Variants in GPATCH8 observed in about 807,000 individuals in gnomAD.
GPATCH8 encodes the protein G-patch domain containing 8, also known as G patch domain-containing protein 8.
GPATCH8 carries 18 observed loss-of-function variants against 118.3 expected under a neutral mutation model. That is an observed-to-expected ratio of 0.15 (90% confidence interval 0.11 to 0.23). The LOEUF (loss-of-function observed/expected upper bound fraction) is 0.23, where lower values mean the gene tolerates loss of function less well. Ranked by LOEUF, GPATCH8 falls within the 10% of genes least tolerant of loss-of-function variation. The pLI, the probability that GPATCH8 is intolerant of heterozygous loss-of-function variation, is 1.00. For synonymous variants in GPATCH8, 659 were observed against 684.7 expected, an observed-to-expected ratio of 0.96 and a Z score of 0.59; for missense variants, 1,631 against 1,873.8, an observed-to-expected ratio of 0.87 and a Z score of 2.39.
chr17:44,401,380 C>T lies in GPATCH8; in HGVS notation c.697G>A (p.Asp233Asn). 6.2e-7 allele frequency: 1 copy of T among 1,612,996 alleles called. No homozygotes were observed. The highest frequency in any genetic ancestry group is 8.5e-7 in the Non-Finnish European group (1 of 1,179,126). Residue 233 changes from aspartate to asparagine, a missense_variant, in exon 8 of 8, where the codon GAT (aspartate) becomes AAT (asparagine). Transcript: ENST00000591680. ...VDEEGGEDDK[D>N]ESATNSGTGA... ...GTGCCACTATTTGTAGCTGATTCAT[C>T]TTTATCATCTTCTCCACCTTCTTCA...
intron 1 of GPATCH8, among the ~76,000 whole-genome samples, chr17:44,499,477 T>A (rs76391835): frequency 0.011 from 1,599 of 152,046 alleles, 18 homozygotes; most frequent in African/African-American, 0.035. Flanking sequence ...CTCAAAAAAA[T>A]AAATAAATAA....
In GPATCH8 at chr17:44,398,256, G is replaced by A. The variant is rs1019626240; in HGVS notation, c.3821C>T (p.Pro1274Leu). 1.4e-5 allele frequency: 22 copies of A among 1,613,138 alleles called. No individual in the cohort carries two copies. The highest frequency in any genetic ancestry group is 1.8e-5 in the Non-Finnish European group (21 of 1,179,484). The change falls in exon 8 of 8, where the codon CCA becomes CTA. Residue 1274 changes from proline to leucine, a missense_variant. Physicochemically the swap from Pro to Leu is moderately conservative, Grantham distance 98 (BLOSUM62 -3). Coordinates refer to ENST00000591680, the MANE Select transcript of GPATCH8 (RefSeq NM_001002909.4). ...ATAACTGGGGAAATGCTCAAGGTCT[G>A]GTGCTATAGGCAGCAAGCTGGACTC... ...PVESSLLPIA[P>L]DLEHFPSYAP...
At chr17:44,441,710 C>T (rs568012009) in intron 3 of GPATCH8, among the ~76,000 whole-genome samples, 3 of 141,818 alleles carry the variant, frequency 2.1e-5, no homozygotes, top group Admixed American at 7.1e-5. Context: ...GGCAACACAA[C>T]GACACTCCTT....
chr17:44,499,394 C>T (rs1233958175), intron 1 of GPATCH8, among the ~76,000 whole-genome samples: 3 of 152,118 alleles, frequency 2.0e-5, no homozygotes, highest in African/African-American at 4.8e-5. Flanking sequence ...CACTTGAACC[C>T]GGGAGGCGGA....
At chr17:44,432,478 G>A (rs546826373) in intron 5 of GPATCH8, among the ~76,000 whole-genome samples, 1 of 152,264 alleles carries the variant, frequency 6.6e-6, no homozygotes, top group Admixed American at 6.5e-5. Context: ...GGATTAATTG[G>A]CAGCTCTGAG....
intron 1 of GPATCH8, among the ~76,000 whole-genome samples, chr17:44,481,059 C>T (rs762312838): frequency 5.9e-5 from 9 of 152,096 alleles, no homozygotes; most frequent in East Asian, 1.9e-4. Context: ...TAGAGGTGCA[C>T]GCCACTACAC....
At chr17:44,436,823 G>T in intron 3 of GPATCH8, 1 of 436,980 alleles carries the variant, frequency 2.3e-6, no homozygotes, top group South Asian at 2.7e-5. Context: ...TTAAGCAATG[G>T]CATCAGGAGG....
In GPATCH8 at chr17:44,396,555, G is replaced by A; in HGVS notation, c.*1013C>T. 2.3e-6 allele frequency: 1 copy of A among 438,510 alleles called. No homozygotes were observed. The highest frequency in any genetic ancestry group is 1.6e-5 in the South Asian group (1 of 60,806). The allele number at this position is 438,510 out of a possible 1,614,324, so 27.2% of individuals were successfully genotyped here. A position where few individuals can be genotyped will look rare whatever the true frequency, so the allele number is the denominator to read the frequency against. On this transcript the variant is annotated 3_prime_UTR_variant, in exon 8 of 8. Coordinates refer to ENST00000591680, the MANE Select transcript of GPATCH8 (RefSeq NM_001002909.4). Reference sequence around the variant, plus strand: ...ACATGCTTAGTCAGTTTTGCATCTAGCAGAAAACAAATATTTTATTTTTTG... The same window carrying A: ...ACATGCTTAGTCAGTTTTGCATCTAACAGAAAACAAATATTTTATTTTTTG...
At position 44,396,603 on chromosome 17, in the gene GPATCH8, GTTT is replaced by G. The variant is rs1235086664; in HGVS notation, c.*962_*964del. ...TTGTTTTCATTTTATAACCTTTAGAGTTTCTTAATTCAACTAGGGCAAACATAT... is the reference window on the plus strand; with the variant it reads ...TTGTTTTCATTTTATAACCTTTAGAGCTTAATTCAACTAGGGCAAACATAT... On this transcript the variant is annotated 3_prime_UTR_variant, in exon 8 of 8. Coordinates refer to ENST00000591680, the MANE Select transcript of GPATCH8 (RefSeq NM_001002909.4). 2.3e-6 allele frequency: 1 copy of G among 442,566 alleles called. No homozygotes were observed. The highest frequency in any genetic ancestry group is 2.0e-5 in the African/African-American group (1 of 49,138). The allele number at this position is 442,566 out of a possible 1,614,324, so 27.4% of individuals were successfully genotyped here. A position where few individuals can be genotyped will look rare whatever the true frequency, so the allele number is the denominator to read the frequency against.
chr17:44,399,533 C>T lies in GPATCH8; in HGVS notation c.2544G>A (p.Glu848=). The part of the protein sequence containing the change: ...EEEEEEDSGS[E]HSRSRSRSGR... The stretch of plus-strand genomic sequence containing the variant: ...CAGACCTTGAGCGGCTGCGGGAATG[C>T]TCACTGCCTGAATCTTCCTCTTCTT... The change falls in exon 8 of 8, where the codon GAG becomes GAA. Residue 848 remains glutamate, a synonymous_variant. Coordinates refer to ENST00000591680, the MANE Select transcript of GPATCH8 (RefSeq NM_001002909.4). 6.2e-7 allele frequency: 1 copy of T among 1,614,226 alleles called. No homozygotes were observed. The highest frequency in any genetic ancestry group is 8.5e-7 in the Non-Finnish European group (1 of 1,180,040).
chr17:44,431,001 G>T (rs2143983758), intron 5 of GPATCH8, among the ~76,000 whole-genome samples: 1 of 151,924 alleles, frequency 6.6e-6, no homozygotes, highest in Admixed American at 6.6e-5. Context: ...TCATTAAATT[G>T]TAGTATTGCT....
At chr17:44,472,959 G>A (rs1465527360) in intron 2 of GPATCH8, among the ~76,000 whole-genome samples, 1 of 151,988 alleles carries the variant, frequency 6.6e-6, no homozygotes, top group African/African-American at 2.4e-5. Context: ...CTCCCAAAGT[G>A]CTGGGATTAC....
chr17:44,458,799 C>T (rs1025891814), intron 3 of GPATCH8, among the ~76,000 whole-genome samples: 5 of 152,328 alleles, frequency 3.3e-5, no homozygotes, highest in South Asian at 4.1e-4. Flanking sequence ...CCTGGGATTA[C>T]AGGTGCTTAA....
chr17:44,399,014 C>T lies in GPATCH8; in HGVS notation c.3063G>A (p.Gly1021=), dbSNP rs754444462. 4 of 1,614,068 alleles carry T rather than the reference C, an allele frequency of 2.5e-6. No individual in the cohort carries two copies. In the Admixed American group the frequency reaches 6.7e-5, roughly 27 times the overall value. Residue 1021 remains glycine, a synonymous_variant, in exon 8 of 8, where the codon GGG becomes GGA. Coordinates refer to ENST00000591680, the MANE Select transcript of GPATCH8 (RefSeq NM_001002909.4). ...GHESPEERHS[G]RRDFIRSKIY... ...TCTTAGAACGAATGAAGTCCCGACG[C>T]CCAGAATGCCTCTCCTCAGGGCTCT...
intron 6 of GPATCH8, chr17:44,409,067 G>A (rs1215684069): frequency 1.3e-5 from 2 of 152,158 alleles, no homozygotes; most frequent in African/African-American, 2.4e-5. Flanking sequence ...TAAGAGACAA[G>A]GTCTCACTTT....
At chr17:44,478,695 A>C (rs1475470281) in intron 1 of GPATCH8, among the ~76,000 whole-genome samples, 1 of 152,016 alleles carries the variant, frequency 6.6e-6, no homozygotes, top group East Asian at 1.9e-4. Context: ...AAACAAAAAA[A>C]CCCTCATCCT....
chr17:44,439,635 A>C (rs770212117), intron 3 of GPATCH8, among the ~76,000 whole-genome samples: 10 of 152,110 alleles, frequency 6.6e-5, no homozygotes, highest in Non-Finnish European at 1.3e-4. Flanking sequence ...AACAAAACAA[A>C]ACAAAAAACC....
chr17:44,466,389 T>C (rs1416851598), intron 2 of GPATCH8, among the ~76,000 whole-genome samples: 1 of 152,138 alleles, frequency 6.6e-6, no homozygotes, highest in East Asian at 1.9e-4. Context: ...ACATATAAAA[T>C]CATTATGGTG....
chr17:44,453,063 G>C (rs1397976752), intron 3 of GPATCH8, among the ~76,000 whole-genome samples: 1 of 152,120 alleles, frequency 6.6e-6, no homozygotes, highest in Non-Finnish European at 1.5e-5. Flanking sequence ...GAACTCCTGA[G>C]CTCAAGCATC....
Sources: allele counts gnomAD v4.1 joint callset (sites outside exome capture counted in the v4.1 genomes callset), GRCh38; gene constraint gnomAD v4.1.1; transcripts MANE v1.5; gene names NCBI Gene and HGNC (gene_info 2026-07-23, HGNC 2026-07-21).